The following PCCA variants were observed in gnomAD, a reference collection of about 807,000 sequenced individuals.
PCCA encodes propionyl-CoA carboxylase subunit alpha, also known as propionyl-CoA carboxylase alpha chain, mitochondrial.
In PCCA, 74 loss-of-function variants were observed where a neutral mutation model predicts 101.3. The observed-to-expected ratio is 0.73, with a 90% CI of 0.61 to 0.89. The LOEUF is 0.89. Among genes scored for constraint, PCCA ranks in the 40% least tolerant of loss-of-function variants. The probability of loss-of-function intolerance (pLI) is 0.00; values close to 1 mark genes in which losing one functional copy is unlikely to be tolerated. For missense variants in PCCA, 891 were observed against 907.0 expected, an observed-to-expected ratio of 0.98 and a Z score of 0.23; for synonymous variants, 294 against 313.6, an observed-to-expected ratio of 0.94 and a Z score of 0.66.
intron 6 of PCCA, among the ~76,000 whole-genome samples, chr13:100,191,026 T>C (rs1418265971): frequency 1.3e-5 from 2 of 151,700 alleles, no homozygotes; most frequent in Admixed American, 1.3e-4. Context: ...GAGCCCTAGG[T>C]GTCAAAGCTG....
In PCCA at chr13:100,231,248, C is replaced by T. The variant is rs560625627; in HGVS notation, c.601-4594C>T. Among the ~76,000 whole-genome samples, 7 of 152,264 alleles carry T rather than the reference C, an allele frequency of 4.6e-5. No individual in the cohort carries two copies. In the South Asian group the frequency reaches 8.3e-4, roughly 18 times the overall value. ...GGCCAAGATGATGTCTTTCTTGTTC[C>T]GTCCCGTGTCTTCAGGGCCCAGAAT... On this transcript the variant is annotated intron_variant, in intron 7 of 23. Coordinates refer to ENST00000376285, the MANE Select transcript of PCCA (RefSeq NM_000282.4).
intron 1 of PCCA, 22 bp downstream of exon 1, chr13:100,089,247 C>A: frequency 2.0e-6 from 3 of 1,476,080 alleles, no homozygotes; most frequent in East Asian, 2.8e-5. Context: ...CGGGGCCTCG[C>A]GGGTCCGGGC....
At chr13:100,103,714 C>G (rs1487431451) in intron 2 of PCCA, among the ~76,000 whole-genome samples, 1 of 152,076 alleles carries the variant, frequency 6.6e-6, no homozygotes, top group East Asian at 1.9e-4. Flanking sequence ...TAGCTCACTG[C>G]AACCTCCGCC....
intron 21 of PCCA, among the ~76,000 whole-genome samples, chr13:100,510,648 C>T (rs577887851): frequency 2.6e-5 from 4 of 152,312 alleles, no homozygotes; most frequent in Non-Finnish European, 4.4e-5. Flanking sequence ...ATATTGCTGC[C>T]TGTTGCATCT....
intron 7 of PCCA, among the ~76,000 whole-genome samples, chr13:100,226,763 G>A (rs1362583742): frequency 6.6e-6 from 1 of 152,108 alleles, no homozygotes; most frequent in Non-Finnish European, 1.5e-5. Flanking sequence ...TGGTAGTTTG[G>A]GGTGGCGGGC....
At chr13:100,449,345 G>GA (rs1566335076) in intron 21 of PCCA, 40 bp downstream of exon 21, 1 of 1,249,314 alleles carries the variant, frequency 8.0e-7, no homozygotes, top group African/African-American at 1.5e-5. Context: ...AATTTACAGA[G>GA]AAAAAATGTT....
At chr13:100,186,116 T>TTTC (rs2057245028) in intron 6 of PCCA, among the ~76,000 whole-genome samples, 1 of 152,248 alleles carries the variant, frequency 6.6e-6, no homozygotes, top group Non-Finnish European at 1.5e-5. Flanking sequence ...TATCATTCTT[T>TTTC]TTCAGCATTG....
chr13:100,093,579 A>G (rs1252083264), intron 1 of PCCA, among the ~76,000 whole-genome samples: 1 of 152,172 alleles, frequency 6.6e-6, no homozygotes, highest in Admixed American at 6.5e-5. Flanking sequence ...ATTAAAACAT[A>G]TTCCCTAACT....
At chr13:100,481,658 G>A (rs1053279633) in intron 21 of PCCA, among the ~76,000 whole-genome samples, 5 of 152,162 alleles carry the variant, frequency 3.3e-5, no homozygotes, top group African/African-American at 7.2e-5. Context: ...TGTCTACAGC[G>A]TGGAGATGCT....
At chr13:100,340,033 A>G in intron 17 of PCCA, 124 bp from the exon 18 acceptor site, 4 of 718,272 alleles carry the variant, frequency 5.6e-6, no homozygotes, top group Non-Finnish European at 1.0e-5. Flanking sequence ...GCCTAGTACA[A>G]TCCTAGCTGC....
chr13:100,093,753 G>A (rs912968069), intron 1 of PCCA, among the ~76,000 whole-genome samples: 7 of 151,652 alleles, frequency 4.6e-5, no homozygotes, highest in Admixed American at 1.3e-4. Flanking sequence ...CCCCACCCCC[G>A]GCTATCTCTA....
At chr13:100,414,401 G>A (rs2078227489) in intron 19 of PCCA, among the ~76,000 whole-genome samples, 1 of 152,156 alleles carries the variant, frequency 6.6e-6, no homozygotes, top group African/African-American at 2.4e-5. Context: ...AAATAGGAAA[G>A]CAGGGTAAAG....
intron 23 of PCCA, 36 bp from the exon 24 acceptor site, chr13:100,530,062 T>A (rs1184118358): frequency 1.3e-6 from 2 of 1,549,304 alleles, no homozygotes; most frequent in Admixed American, 3.3e-5. Flanking sequence ...TACTAATTCT[T>A]ACTCTCCCCT....
chr13:100,162,343 T>A (rs1189300200), intron 6 of PCCA, among the ~76,000 whole-genome samples: 1 of 152,164 alleles, frequency 6.6e-6, no homozygotes, highest in Non-Finnish European at 1.5e-5. Flanking sequence ...TTCTTGGTTT[T>A]ATGGAAGAGA....
rs1440834434 is a variant in PCCA, at chr13:100,443,378, C to A, written c.1846-5874C>A. ...GTTGAGGTGGGAGAATCGCTGGAGTCCAGGCAGTTGCTGTGGAGAGCTGTG... is the reference window on the plus strand; with the variant it reads ...GTTGAGGTGGGAGAATCGCTGGAGTACAGGCAGTTGCTGTGGAGAGCTGTG... On this transcript the variant is annotated intron_variant, in intron 20 of 23. Coordinates refer to ENST00000376285, the MANE Select transcript of PCCA (RefSeq NM_000282.4). 2.6e-5 allele frequency among the ~76,000 whole-genome samples: 4 copies of A among 151,452 alleles called. No individual in the cohort carries two copies. In the South Asian group the frequency reaches 8.4e-4, roughly 32 times the overall value.
At chr13:100,326,290 G>C (rs1009397940) in intron 16 of PCCA, among the ~76,000 whole-genome samples, 19 of 152,156 alleles carry the variant, frequency 1.2e-4, no homozygotes, top group African/African-American at 4.6e-4. Flanking sequence ...CACCACACCC[G>C]AGGAATTAAC....
chr13:100,476,438 CTG>C (rs1300247683), intron 21 of PCCA, among the ~76,000 whole-genome samples: 6 of 152,278 alleles, frequency 3.9e-5, no homozygotes, highest in African/African-American at 1.4e-4. Context: ...ATAACTGACA[CTG>C]TATTTAATTA....
chr13:100,123,634 G>GA (rs2049656450), intron 4 of PCCA, among the ~76,000 whole-genome samples: 2 of 148,420 alleles, frequency 1.3e-5, no homozygotes, highest in South Asian at 4.2e-4. Flanking sequence ...CAACATAATG[G>GA]GGGGGGATTG....
intron 21 of PCCA, among the ~76,000 whole-genome samples, chr13:100,476,857 G>C (rs183633519): frequency 6.4e-4 from 97 of 152,288 alleles, no homozygotes; most frequent in African/African-American, 2.3e-3. Flanking sequence ...CTGGTTGAGG[G>C]GTGGGGCAGG....
Sources: allele counts gnomAD v4.1 joint callset (sites outside exome capture counted in the v4.1 genomes callset), GRCh38; gene constraint gnomAD v4.1.1; transcripts MANE v1.5; gene names NCBI Gene and HGNC (gene_info 2026-07-23, HGNC 2026-07-21).